The following CPQ variants were observed in gnomAD, a reference collection of about 807,000 sequenced individuals.
CPQ encodes the protein Ser-Met dipeptidase.
Under a neutral mutation model 45.7 loss-of-function variants are expected in CPQ, and 37 were observed. That is an observed-to-expected ratio of 0.81 (90% CI 0.62 to 1.07). CPQ has a LOEUF of 1.07. Ranked by LOEUF, CPQ falls within the 50% of genes least tolerant of loss-of-function variation. The probability of loss-of-function intolerance (pLI) is 0.00; values close to 1 mark genes in which losing one functional copy is unlikely to be tolerated. For synonymous variants in CPQ, 186 were observed against 205.8 expected (o/e 0.90, Z 0.82); for missense variants, 537 against 572.9 (o/e 0.94, Z 0.64).
At chr8:97,040,201 T>C (rs1185153272) in intron 6 of CPQ, among the ~76,000 whole-genome samples, 2 of 151,898 alleles carry the variant, frequency 1.3e-5, no homozygotes, top group Non-Finnish European at 2.9e-5. Flanking sequence ...GGTATCTCAT[T>C]GTGGTTTTGA....
At chr8:96,758,029 T>G (rs986799313) in intron 1 of CPQ, among the ~76,000 whole-genome samples, 1 of 152,242 alleles carries the variant, frequency 6.6e-6, no homozygotes, top group African/African-American at 2.4e-5. Flanking sequence ...TTTAGGTGAA[T>G]TAATACAACT....
intron 1 of CPQ, among the ~76,000 whole-genome samples, chr8:96,652,501 T>G (rs1024287054): frequency 6.6e-6 from 1 of 152,238 alleles, no homozygotes; most frequent in Non-Finnish European, 1.5e-5. Flanking sequence ...GAAGTGGGAT[T>G]GGTGGATCAT....
intron 2 of CPQ, among the ~76,000 whole-genome samples, chr8:96,785,707 A>G (rs1413607241): frequency 1.3e-5 from 2 of 152,218 alleles, no homozygotes; most frequent in African/African-American, 4.8e-5. Context: ...TTTTAGAATT[A>G]ATGAAATAGA....
intron 3 of CPQ, among the ~76,000 whole-genome samples, chr8:96,837,787 C>A (rs1421146686): frequency 6.6e-6 from 1 of 151,538 alleles, no homozygotes; most frequent in Admixed American, 6.6e-5. Flanking sequence ...TCAAAATTGA[C>A]CTCATCCTTC....
chr8:96,768,083 T>A (rs1294472094), intron 1 of CPQ, among the ~76,000 whole-genome samples: 1 of 152,186 alleles, frequency 6.6e-6, no homozygotes, highest in Non-Finnish European at 1.5e-5. Flanking sequence ...GTTACCTTTT[T>A]AATTTCCTGC....
intron 7 of CPQ, among the ~76,000 whole-genome samples, chr8:97,111,060 G>A (rs1811491238): frequency 1.3e-5 from 2 of 152,258 alleles, no homozygotes; most frequent in South Asian, 4.1e-4. Context: ...CTGGGTAAAT[G>A]AGCCATTGAT....
At chr8:96,972,209 A>G (rs1813691149) in intron 5 of CPQ, among the ~76,000 whole-genome samples, 1 of 152,136 alleles carries the variant, frequency 6.6e-6, no homozygotes. Flanking sequence ...GCTGCATGGG[A>G]GCAGGGTAAG....
chr8:96,833,982 T>A (rs531322907), intron 2 of CPQ, among the ~76,000 whole-genome samples: 34 of 152,368 alleles, frequency 2.2e-4, no homozygotes, highest in African/African-American at 7.7e-4. Context: ...TATATGTTGA[T>A]ACTTTGTTTT....
intron 5 of CPQ, among the ~76,000 whole-genome samples, chr8:97,009,822 C>T (rs1280080148): frequency 1.3e-5 from 2 of 152,152 alleles, no homozygotes; most frequent in African/African-American, 2.4e-5. Flanking sequence ...AGAATGGAGA[C>T]GGTGATGCCT....
intron 1 of CPQ, among the ~76,000 whole-genome samples, chr8:96,651,809 TTAA>T (rs1563692207): frequency 6.6e-6 from 1 of 152,134 alleles, no homozygotes; most frequent in Non-Finnish European, 1.5e-5. Context: ...CTTTTTTGCA[TTAA>T]TAAGTTCTTT....
chr8:96,667,315 T>C (rs1808937866), intron 1 of CPQ, among the ~76,000 whole-genome samples: 1 of 152,000 alleles, frequency 6.6e-6, no homozygotes, highest in Admixed American at 6.6e-5. Context: ...TTGATTTCTC[T>C]AATTTTGAAA....
intron 4 of CPQ, among the ~76,000 whole-genome samples, chr8:96,945,310 C>T (rs1167568769): frequency 6.6e-6 from 1 of 152,118 alleles, no homozygotes; most frequent in East Asian, 1.9e-4. Flanking sequence ...AGGGTTTTCT[C>T]ATTTTGAATT....
intron 5 of CPQ, among the ~76,000 whole-genome samples, chr8:97,006,313 G>T (rs534903552): frequency 6.6e-6 from 1 of 151,996 alleles, no homozygotes; most frequent in Non-Finnish European, 1.5e-5. Context: ...GTCTCTTCCC[G>T]TGTCTATGTC....
At chr8:96,798,297 T>C (rs1027389583) in intron 2 of CPQ, among the ~76,000 whole-genome samples, 1 of 151,700 alleles carries the variant, frequency 6.6e-6, no homozygotes, top group African/African-American at 2.4e-5. Context: ...ACCTGGCTAA[T>C]TTTTCGATTT....
chr8:96,688,121 A>T lies in CPQ; in HGVS notation c.-35+42719A>T, dbSNP rs976671239. On this transcript the variant is annotated intron_variant, in intron 1 of 7. Transcript: ENST00000220763. ...TTTTCTTTATTGATATTGCTTCTGT[A>T]TTACTGGGTAATTAGATAGTCATAA... Among the ~76,000 whole-genome samples the T allele has an allele frequency of 3.3e-5, 5 of 151,586 alleles. No homozygotes were observed. The East Asian group carries it at 9.6e-4, about 29-fold the overall frequency.
intron 4 of CPQ, among the ~76,000 whole-genome samples, chr8:96,937,974 T>C: frequency 6.6e-6 from 1 of 152,244 alleles, no homozygotes; most frequent in East Asian, 1.9e-4. Context: ...TTAAAAATTA[T>C]TATTTTTTTG....
intron 7 of CPQ, among the ~76,000 whole-genome samples, chr8:97,111,659 G>T (rs1457379568): frequency 1.3e-5 from 2 of 152,222 alleles, no homozygotes; most frequent in African/African-American, 4.8e-5. Flanking sequence ...TTGCATTCAA[G>T]AGCACATGTT....
intron 4 of CPQ, among the ~76,000 whole-genome samples, chr8:96,950,576 A>G (rs752831961): frequency 2.0e-5 from 3 of 152,144 alleles, no homozygotes; most frequent in Non-Finnish European, 4.4e-5. Context: ...TATGCACCCT[A>G]TCTCCATTTC....
At position 96,880,817 on chromosome 8, in the gene CPQ, TG is replaced by T. The variant is rs1812214377; in HGVS notation, c.849+813del. Among the ~76,000 whole-genome samples, 4 of 152,054 alleles carry T rather than the reference TG, an allele frequency of 2.6e-5. No homozygotes were observed. The South Asian group carries it at 8.3e-4, about 32-fold the overall frequency. ...GGAAGCAAGGTTTAAAAAAACTACC[TG>T]TTGGGTACTACATTACTCTTTGGGT... On this transcript the variant is annotated intron_variant, in intron 4 of 7. Coordinates refer to ENST00000220763, the MANE Select transcript of CPQ (RefSeq NM_016134.4).
Sources: allele counts gnomAD v4.1 joint callset (sites outside exome capture counted in the v4.1 genomes callset), GRCh38; gene constraint gnomAD v4.1.1; transcripts MANE v1.5; gene names NCBI Gene and HGNC (gene_info 2026-07-23, HGNC 2026-07-21).